NAALADL2: variants seen among roughly 807,000 people sequenced by gnomAD.
NAALADL2 encodes N-acetylated alpha-linked acidic dipeptidase like 2, also known as inactive N-acetylated-alpha-linked acidic dipeptidase-like protein 2.
NAALADL2 carries 76 observed loss-of-function variants against 87.2 expected under a neutral mutation model. That is an observed-to-expected ratio of 0.87 (90% CI 0.72 to 1.05). NAALADL2 has a LOEUF of 1.05. NAALADL2 is among the 50% of genes least tolerant of loss of function. The probability of loss-of-function intolerance (pLI) is 0.00; values close to 1 mark genes in which losing one functional copy is unlikely to be tolerated. For synonymous variants in NAALADL2, 354 were observed against 331.0 expected (o/e 1.07, Z -0.75); for missense variants, 1,089 against 945.8 (o/e 1.15, Z -1.99).
chr3:175,321,024 A>G (rs1339509101), intron 4 of NAALADL2, among the ~76,000 whole-genome samples: 1 of 151,700 alleles, frequency 6.6e-6, no homozygotes, highest in Non-Finnish European at 1.5e-5. Flanking sequence ...CCGGGCAGAG[A>G]CACAACCAAA....
chr3:175,527,490 C>T (rs1322345645), intron 9 of NAALADL2, among the ~76,000 whole-genome samples: 1 of 152,070 alleles, frequency 6.6e-6, no homozygotes, highest in African/African-American at 2.4e-5. Flanking sequence ...GCCCCATCTA[C>T]CCCTCTACAA....
intron 1 of NAALADL2, among the ~76,000 whole-genome samples, chr3:174,981,464 C>T (rs1745100022): frequency 6.6e-6 from 1 of 152,106 alleles, no homozygotes; most frequent in South Asian, 2.1e-4. Flanking sequence ...TTTCTGGTAG[C>T]ATACATGGGA....
At chr3:175,479,471 C>T (rs529757716) in intron 9 of NAALADL2, among the ~76,000 whole-genome samples, 9 of 151,870 alleles carry the variant, frequency 5.9e-5, no homozygotes, top group Admixed American at 1.3e-4. Flanking sequence ...CTTCAATCAT[C>T]TTGTGAAAAA....
intron 9 of NAALADL2, among the ~76,000 whole-genome samples, chr3:175,572,268 C>T (rs979805783): frequency 8.5e-5 from 13 of 152,106 alleles, no homozygotes; most frequent in Admixed American, 8.5e-4. Flanking sequence ...ACTCAACCCT[C>T]TTTTTCTATA....
intron 4 of NAALADL2, among the ~76,000 whole-genome samples, chr3:175,289,743 T>C (rs371619101): frequency 1.3e-5 from 2 of 152,140 alleles, no homozygotes; most frequent in African/African-American, 4.8e-5. Flanking sequence ...GGAGGATCAC[T>C]TGAGCCCAGG....
In NAALADL2 at chr3:175,301,736, T is replaced by C. The variant is rs566396790; in HGVS notation, c.940-22439T>C. ...GACCAAAATAATCCTCTCGTTTTCT[T>C]AAGTGAAGAATGGAATATATCTCTA... On this transcript the variant is annotated intron_variant, in intron 4 of 13. Coordinates refer to ENST00000454872, the MANE Select transcript of NAALADL2 (RefSeq NM_207015.3). Among the ~76,000 whole-genome samples, 14 of 152,318 alleles carry C rather than the reference T, an allele frequency of 9.2e-5. 1 individual carries two copies. The East Asian group carries it at 2.7e-3, about 29-fold the overall frequency.
intron 1 of NAALADL2, among the ~76,000 whole-genome samples, chr3:174,467,013 G>A (rs1716575631): frequency 6.6e-6 from 1 of 152,070 alleles, no homozygotes; most frequent in Non-Finnish European, 1.5e-5. Context: ...CGCATTAGAA[G>A]TTGTTTTTTT....
At chr3:175,778,334 G>A (rs894495408) in intron 13 of NAALADL2, among the ~76,000 whole-genome samples, 4 of 152,180 alleles carry the variant, frequency 2.6e-5, no homozygotes, top group Admixed American at 6.5e-5. Context: ...AGTTAATGGC[G>A]TGGTCAAATA....
intron 1 of NAALADL2, among the ~76,000 whole-genome samples, chr3:175,072,161 A>G (rs1246831446): frequency 6.6e-6 from 1 of 152,062 alleles, no homozygotes; most frequent in African/African-American, 2.4e-5. Context: ...AGAGTTCTAC[A>G]AGCTTTACAC....
chr3:175,197,169 A>G (rs972224132), intron 2 of NAALADL2, among the ~76,000 whole-genome samples: 1 of 152,040 alleles, frequency 6.6e-6, no homozygotes, highest in African/African-American at 2.4e-5. Context: ...TATTACAGTC[A>G]TAGAATATGT....
At chr3:175,729,829 T>C (rs1743431147) in intron 11 of NAALADL2, among the ~76,000 whole-genome samples, 2 of 150,958 alleles carry the variant, frequency 1.3e-5, no homozygotes, top group African/African-American at 4.9e-5. Flanking sequence ...CATGGTAACA[T>C]GTAAAACAGG....
At chr3:175,380,288 C>A (rs1233830087) in intron 5 of NAALADL2, among the ~76,000 whole-genome samples, 1 of 152,126 alleles carries the variant, frequency 6.6e-6, no homozygotes, top group Non-Finnish European at 1.5e-5. Context: ...CCATCTACCC[C>A]ACAAGGTTGC....
At chr3:174,849,433 T>G (rs1434581870) in intron 3 of NAALADL2, among the ~76,000 whole-genome samples, 2 of 152,094 alleles carry the variant, frequency 1.3e-5, no homozygotes, top group Non-Finnish European at 2.9e-5. Context: ...ATTTTCAATT[T>G]TTTTTGCTAA....
At chr3:174,773,194 G>C (rs1438888244) in intron 3 of NAALADL2, among the ~76,000 whole-genome samples, 1 of 152,164 alleles carries the variant, frequency 6.6e-6, no homozygotes, top group Admixed American at 6.5e-5. Context: ...GGTCCTTGGA[G>C]AGACCAAAGT....
chr3:175,269,316 C>G (rs1752448387), intron 4 of NAALADL2, among the ~76,000 whole-genome samples: 1 of 152,076 alleles, frequency 6.6e-6, no homozygotes, highest in South Asian at 2.1e-4. Context: ...AATACACAAA[C>G]CACTAATATA....
intron 1 of NAALADL2, among the ~76,000 whole-genome samples, chr3:174,865,087 G>A (rs929980388): frequency 6.6e-6 from 1 of 151,888 alleles, no homozygotes; most frequent in East Asian, 1.9e-4. Context: ...CGAACACTTC[G>A]GGAGGCTCTT....
chr3:174,693,630 C>T (rs1578569079), intron 2 of NAALADL2, among the ~76,000 whole-genome samples: 1 of 151,794 alleles, frequency 6.6e-6, no homozygotes, highest in African/African-American at 2.4e-5. Flanking sequence ...TGCAATTTAG[C>T]GAGTGGAATT....
At chr3:175,437,285 AAGCATTCTTATACACC>A (rs1348089614) in intron 5 of NAALADL2, among the ~76,000 whole-genome samples, 1 of 145,586 alleles carries the variant, frequency 6.9e-6, no homozygotes, top group African/African-American at 2.6e-5. Context: ...CAAAAATCAC[AAGCATTCTTATACACC>A]AACAACAGAC....
intron 1 of NAALADL2, among the ~76,000 whole-genome samples, chr3:175,021,997 T>C (rs4555530): frequency 0.056 from 8,553 of 151,852 alleles, 304 homozygotes; most frequent in Middle Eastern, 0.12. Flanking sequence ...TGGTAACGAG[T>C]GAATTTTTAC....
Sources: gnomAD v4.1 joint callset for allele counts (sites outside exome capture counted in the v4.1 genomes callset) on GRCh38, gnomAD v4.1.1 for gene constraint, MANE v1.5 for transcripts, NCBI Gene and HGNC (gene_info 2026-07-23, HGNC 2026-07-21) for gene names.